Variants in COL5A2 observed in about 807,000 individuals in gnomAD.
The protein encoded by COL5A2 is collagen alpha-2(V) chain.
In COL5A2, 23 loss-of-function variants were observed where a neutral mutation model predicts 208.2. That is an observed-to-expected ratio of 0.11 (90% CI 0.08 to 0.16). The LOEUF is 0.16. COL5A2 is among the 10% of genes least tolerant of loss of function. The probability of loss-of-function intolerance (pLI) is 1.00; values close to 1 mark genes in which losing one functional copy is unlikely to be tolerated. For missense variants in COL5A2, 1,590 were observed against 1,956.4 expected, an observed-to-expected ratio of 0.81 and a Z score of 3.53; for synonymous variants, 625 against 628.5, an observed-to-expected ratio of 0.99 and a Z score of 0.08.
intron 1 of COL5A2, among the ~76,000 whole-genome samples, chr2:189,190,296 G>A (rs1391278835): frequency 1.3e-5 from 2 of 152,222 alleles, no homozygotes; most frequent in East Asian, 3.9e-4. Flanking sequence ...TGGAATAACT[G>A]CAATCAGAAG....
At chr2:189,265,718 T>C in the COL5A2 span, among the ~76,000 whole-genome samples, 1,203 of 152,190 alleles carry the variant, frequency 7.9e-3, 23 homozygotes, top group African/African-American at 0.027. Context: ...AATAAATGTA[T>C]AAAAAGTGCT....
At chr2:189,420,083 AGAAG>A in the COL5A2 span, among the ~76,000 whole-genome samples, 26,602 of 139,398 alleles carry the variant, frequency 0.19, 3,264 homozygotes, top group Non-Finnish European at 0.27. Context: ...GGAGGGAGGG[AGAAG>A]GAAGGAAGGA....
In COL5A2 at chr2:189,062,980, A is replaced by T. The variant is rs768162264; in HGVS notation, c.1923+30T>A. The T allele has an allele frequency of 2.5e-6, 4 of 1,613,670 alleles. No homozygotes were observed. In the African/African-American group the frequency reaches 5.3e-5, roughly 22 times the overall value. ...TGATAATTTAAATAGTACCTACATT[A>T]TTTTTCTTTAGCAGAAAATGTATAT... On this transcript the variant is annotated intron_variant, in intron 28 of 53. Coordinates refer to ENST00000374866, the MANE Select transcript of COL5A2 (RefSeq NM_000393.5).
At chr2:189,408,614 T>A in the COL5A2 span, among the ~76,000 whole-genome samples, 1 of 152,118 alleles carries the variant, frequency 6.6e-6, no homozygotes, top group Non-Finnish European at 1.5e-5. Flanking sequence ...TAACATAAAT[T>A]ATATGTACTA....
the COL5A2 span, among the ~76,000 whole-genome samples, chr2:189,331,160 T>C: frequency 6.6e-6 from 1 of 152,078 alleles, no homozygotes; most frequent in Admixed American, 6.6e-5. Flanking sequence ...TTTACAAAAT[T>C]AGATATGAAG....
At chr2:189,045,320 A>G (rs1385367018) in intron 46 of COL5A2, 88 bp from the exon 47 acceptor site, 9 of 793,550 alleles carry the variant, frequency 1.1e-5, no homozygotes, top group Non-Finnish European at 1.9e-5. Flanking sequence ...ATACGTTTAT[A>G]GTTGGATGCA....
intron 45 of COL5A2, 42 bp from the exon 46 acceptor site, chr2:189,045,949 T>G (rs1685658633): frequency 1.3e-6 from 2 of 1,535,146 alleles, no homozygotes; most frequent in East Asian, 4.5e-5. Flanking sequence ...ACATTTATTC[T>G]AAAACAACAA....
At chr2:189,159,415 G>T (rs1688315929) in intron 1 of COL5A2, among the ~76,000 whole-genome samples, 2 of 152,096 alleles carry the variant, frequency 1.3e-5, no homozygotes, top group Non-Finnish European at 2.9e-5. Flanking sequence ...ATAAATATTT[G>T]GCCGATGACT....
rs1685379676 is a variant in COL5A2, at chr2:189,033,550, G to A, written c.*520C>T. 4 of 162,984 alleles carry A rather than the reference G, an allele frequency of 2.5e-5. No homozygotes were observed. The highest frequency in any genetic ancestry group is 1.6e-4 in the South Asian group (1 of 6,174). The allele number at this position is 162,984 out of a possible 1,614,324, so 10.1% of individuals were successfully genotyped here. A position where few individuals can be genotyped will look rare whatever the true frequency, so the allele number is the denominator to read the frequency against. On this transcript the variant is annotated 3_prime_UTR_variant, in exon 54 of 54. Coordinates refer to ENST00000374866, the MANE Select transcript of COL5A2 (RefSeq NM_000393.5). Reference sequence around the variant, plus strand: ...ACACAATATCAAGACATGCATGTAGGTCTCGATCACAAGTTAAACATTTTA... The same window carrying A: ...ACACAATATCAAGACATGCATGTAGATCTCGATCACAAGTTAAACATTTTA...
the COL5A2 span, among the ~76,000 whole-genome samples, chr2:189,309,413 G>A: frequency 2.0e-5 from 3 of 152,068 alleles, no homozygotes; most frequent in Admixed American, 1.3e-4. Context: ...GTAAGCATGC[G>A]TACAACTCCA....
At chr2:189,323,010 T>C in the COL5A2 span, among the ~76,000 whole-genome samples, 1 of 152,120 alleles carries the variant, frequency 6.6e-6, no homozygotes, top group East Asian at 1.9e-4. Flanking sequence ...TGCAAGCTGG[T>C]TCAACATACA....
chr2:189,336,921 A>G, the COL5A2 span, among the ~76,000 whole-genome samples: 2 of 152,260 alleles, frequency 1.3e-5, no homozygotes, highest in African/African-American at 4.8e-5. Flanking sequence ...GAAGTTATCC[A>G]GACTCCACTA....
At chr2:189,068,461 T>C (rs545422160) in intron 19 of COL5A2, among the ~76,000 whole-genome samples, 191 bp from the exon 20 acceptor site, 1 of 152,162 alleles carries the variant, frequency 6.6e-6, no homozygotes, top group Admixed American at 6.5e-5. Context: ...ACTTACAGAG[T>C]TGACAAGGGA....
the COL5A2 span, among the ~76,000 whole-genome samples, chr2:189,253,284 C>A: frequency 6.6e-6 from 1 of 152,210 alleles, no homozygotes; most frequent in South Asian, 2.1e-4. Context: ...GCCCTTGTCT[C>A]AGACCTGTCT....
the COL5A2 span, among the ~76,000 whole-genome samples, chr2:189,361,580 T>C: frequency 6.6e-6 from 1 of 152,074 alleles, no homozygotes; most frequent in African/African-American, 2.4e-5. Flanking sequence ...CTATGTCTTT[T>C]AATTAGAGAA....
chr2:189,062,777 TA>T (rs1476707706), intron 29 of COL5A2, 87 bp downstream of exon 29: 4 of 1,469,444 alleles, frequency 2.7e-6, no homozygotes, highest in Non-Finnish European at 3.8e-6. Context: ...CCCTGAAACT[TA>T]CCCATAAGTC....
chr2:189,141,797 T>C (rs903608642), intron 1 of COL5A2, among the ~76,000 whole-genome samples: 1 of 152,134 alleles, frequency 6.6e-6, no homozygotes, highest in Non-Finnish European at 1.5e-5. Context: ...GTTTATAGAG[T>C]TTAATAGTGA....
the COL5A2 span, among the ~76,000 whole-genome samples, chr2:189,269,191 C>A: frequency 9.2e-4 from 140 of 152,186 alleles, no homozygotes; most frequent in Non-Finnish European, 1.7e-3. Context: ...TAATTCTATT[C>A]TTGAATATAG....
the COL5A2 span, among the ~76,000 whole-genome samples, chr2:189,341,125 T>C: frequency 2.0e-5 from 3 of 152,164 alleles, no homozygotes; most frequent in African/African-American, 7.2e-5. Context: ...CTTAATGAAA[T>C]GTTTACAGAC....
Sources: allele counts gnomAD v4.1 joint callset (sites outside exome capture counted in the v4.1 genomes callset), GRCh38; gene constraint gnomAD v4.1.1; transcripts MANE v1.5; gene names NCBI Gene and HGNC (gene_info 2026-07-23, HGNC 2026-07-21).